DPY19L1: variants seen among roughly 807,000 people sequenced by gnomAD.
DPY19L1 encodes protein C-mannosyl-transferase DPY19L1.
A neutral mutation model predicts 96.9 loss-of-function variants in DPY19L1; 35 were observed. The ratio of observed to expected loss-of-function variants is 0.36; its 90% CI spans 0.28 to 0.48. The LOEUF (loss-of-function observed/expected upper bound fraction) is 0.48. DPY19L1 is among the 20% of genes least tolerant of loss of function. DPY19L1 has a pLI of 0.99. For missense variants in DPY19L1, 521 were observed against 777.9 expected (o/e 0.67, Z 3.93); for synonymous variants, 205 against 252.6 (o/e 0.81, Z 1.79).
rs527326576 is a variant in DPY19L1 at position 35,005,882 on chromosome 7, G to A, written c.764+4586C>T. Among the ~76,000 whole-genome samples the A allele has an allele frequency of 1.1e-4, 16 of 152,118 alleles. No homozygotes were observed. In the East Asian group the frequency reaches 1.2e-3, roughly 11 times the overall value. On this transcript the variant is annotated intron_variant, in intron 6 of 21. Transcript: ENST00000638088. ...GTAAGGGATGAACACATTCTGAGGC[G>A]GATGGGAAGGAACCAGGAAAGCAAG...
At chr7:35,028,225 G>A (rs1035153904) in intron 1 of DPY19L1, among the ~76,000 whole-genome samples, 39 of 152,256 alleles carry the variant, frequency 2.6e-4, no homozygotes, top group Admixed American at 1.5e-3. Flanking sequence ...GCTCAGGCTC[G>A]AAGATGTTAA....
At chr7:35,015,374 G>A (rs113368500) in intron 3 of DPY19L1, among the ~76,000 whole-genome samples, 9 of 152,160 alleles carry the variant, frequency 5.9e-5, no homozygotes, top group African/African-American at 2.2e-4. Context: ...ACAAGTTACA[G>A]GTCACAAAGA....
rs868209846 is a variant in DPY19L1, at chr7:34,989,848, C to T, written c.822+36G>A. 7.2e-6 allele frequency: 11 copies of T among 1,527,180 alleles called. No homozygotes were observed. The African/African-American group carries it at 1.3e-4, about 18-fold the overall frequency. The allele number at this position is 1,527,180 out of a possible 1,614,324, so 94.6% of individuals were successfully genotyped here. Reference sequence around the variant, plus strand: ...AATTTAAAGAAGAAAACTGCATTTCCAGAAGTAATTCTGAGAATAGTTTTT... The same window carrying T: ...AATTTAAAGAAGAAAACTGCATTTCTAGAAGTAATTCTGAGAATAGTTTTT... On this transcript the variant is annotated intron_variant, in intron 7 of 21. Transcript: ENST00000638088.
chr7:34,940,705 G>A (rs1783990244), intron 18 of DPY19L1: 1 of 170,816 alleles, frequency 5.9e-6, no homozygotes, highest in Non-Finnish European at 1.4e-5. Context: ...GTGAGGTCCT[G>A]TGTGACCAGC....
At chr7:34,983,666 GA>G (rs966672734) in intron 7 of DPY19L1, among the ~76,000 whole-genome samples, 47 of 116,654 alleles carry the variant, frequency 4.0e-4, no homozygotes, top group African/African-American at 1.4e-3. Context: ...CCAAAGGGAG[GA>G]ATAGAGAGAA....
intron 1 of DPY19L1, among the ~76,000 whole-genome samples, chr7:35,033,223 C>T (rs1054227533): frequency 6.6e-6 from 1 of 152,210 alleles, no homozygotes; most frequent in Non-Finnish European, 1.5e-5. Context: ...TTCTTTCTAT[C>T]GGTCTCAGCT....
intron 3 of DPY19L1, among the ~76,000 whole-genome samples, chr7:35,016,022 T>C (rs1785839451): frequency 6.6e-6 from 1 of 152,188 alleles, no homozygotes; most frequent in South Asian, 2.1e-4. Context: ...TCTAATCTTG[T>C]TTCCATTTAA....
At position 34,970,390 on chromosome 7, in the gene DPY19L1, T is replaced by C. The variant is rs1300184148; in HGVS notation, c.915-858A>G. On this transcript the variant is annotated intron_variant, in intron 8 of 21. Transcript: ENST00000638088. ...GTACTTTTAAACTCCAGATAACCTT[T>C]TAATGAGTTATGAAATCAACTTATG... 2.6e-5 allele frequency among the ~76,000 whole-genome samples: 4 copies of C among 152,168 alleles called. No homozygotes were observed. The East Asian group carries it at 7.7e-4, about 29-fold the overall frequency.
chr7:35,015,869 GA>G (rs1785834285), intron 3 of DPY19L1, among the ~76,000 whole-genome samples: 3 of 152,206 alleles, frequency 2.0e-5, no homozygotes, highest in African/African-American at 7.2e-5. Context: ...GCCCTGTGAA[GA>G]AGCGAACTGC....
At chr7:35,037,724 C>G (rs2128686118), upstream of DPY19L1, 1 of 809,978 alleles carries the variant, frequency 1.2e-6, no homozygotes, top group Non-Finnish European at 1.5e-6. Context: ...CGCCGCCCCT[C>G]TGCGCCGGAC....
At position 34,935,360 on chromosome 7, in the gene DPY19L1, G is replaced by T. The variant is rs1469409208; in HGVS notation, c.2090+2634C>A. On this transcript the variant is annotated intron_variant, in intron 21 of 21. Transcript: ENST00000638088. Reference sequence around the variant, plus strand: ...CTGCAAATAGCATTAGTGAAAATCTGAATAATTTCCTTCTAAATACATGTA... The same window carrying T: ...CTGCAAATAGCATTAGTGAAAATCTTAATAATTTCCTTCTAAATACATGTA... Among the ~76,000 whole-genome samples the T allele has an allele frequency of 3.9e-5, 6 of 152,158 alleles. No homozygotes were observed. In the East Asian group the frequency reaches 1.2e-3, roughly 29 times the overall value.
intron 21 of DPY19L1, among the ~76,000 whole-genome samples, chr7:34,935,551 A>T (rs1783851152): frequency 6.6e-6 from 1 of 152,150 alleles, no homozygotes. Flanking sequence ...TGTAAATGAG[A>T]TCATTTAAAC....
intron 13 of DPY19L1, among the ~76,000 whole-genome samples, chr7:34,952,876 T>C (rs1784297702): frequency 6.6e-6 from 1 of 152,164 alleles, no homozygotes; most frequent in African/African-American, 2.4e-5. Context: ...AGCAACAATG[T>C]GGGAAGCATT....
At chr7:34,953,738 TC>T (rs1296164567) in intron 13 of DPY19L1, among the ~76,000 whole-genome samples, 1 of 151,782 alleles carries the variant, frequency 6.6e-6, no homozygotes, top group African/African-American at 2.4e-5. Flanking sequence ...AAATACATTT[TC>T]AACTATAGTT....
chr7:34,984,304 G>A (rs1785001728), intron 7 of DPY19L1, among the ~76,000 whole-genome samples: 1 of 152,138 alleles, frequency 6.6e-6, no homozygotes, highest in South Asian at 2.1e-4. Context: ...ATGACTAGGC[G>A]TTAATTAGGC....
intron 10 of DPY19L1, among the ~76,000 whole-genome samples, chr7:34,959,692 C>T (rs577957535): frequency 2.0e-5 from 3 of 146,638 alleles, no homozygotes; most frequent in African/African-American, 5.0e-5. Flanking sequence ...GGGAGGGGAA[C>T]ATCACACATC....
At chr7:35,029,344 C>CT (rs1377753653) in intron 1 of DPY19L1, among the ~76,000 whole-genome samples, 2 of 152,286 alleles carry the variant, frequency 1.3e-5, no homozygotes, top group African/African-American at 4.8e-5. Flanking sequence ...TCTGAGCATG[C>CT]ATAGGGAAGC....
At chr7:34,954,375 T>G (rs1030941680) in intron 13 of DPY19L1, among the ~76,000 whole-genome samples, 2 of 152,084 alleles carry the variant, frequency 1.3e-5, no homozygotes, top group Admixed American at 6.6e-5. Context: ...CTAAAGATGG[T>G]GTCTTTACCA....
intron 1 of DPY19L1, among the ~76,000 whole-genome samples, chr7:35,029,267 A>G (rs994389627): frequency 1.3e-5 from 2 of 152,256 alleles, no homozygotes; most frequent in African/African-American, 2.4e-5. Context: ...TTATTAAAAA[A>G]GTGCATTTTA....
Sources: allele counts gnomAD v4.1 joint callset (sites outside exome capture counted in the v4.1 genomes callset), GRCh38; gene constraint gnomAD v4.1.1; transcripts MANE v1.5; gene names NCBI Gene and HGNC (gene_info 2026-07-23, HGNC 2026-07-21).